Variants in UBE2H observed in about 807,000 individuals in gnomAD.
The protein encoded by UBE2H is ubiquitin-conjugating enzyme E2 H.
In UBE2H, 3 loss-of-function variants were observed where a neutral mutation model predicts 29.0. The observed-to-expected ratio is 0.10, with a 90% confidence interval of 0.05 to 0.27. The LOEUF is 0.27. UBE2H is among the 10% of genes least tolerant of loss of function. The probability of loss-of-function intolerance (pLI) is 1.00; values close to 1 mark genes in which losing one functional copy is unlikely to be tolerated. For missense variants in UBE2H, 68 were observed against 228.2 expected, an observed-to-expected ratio of 0.30 and a Z score of 4.52; for synonymous variants, 69 against 82.9, an observed-to-expected ratio of 0.83 and a Z score of 0.91.
Position 129,840,611 on chromosome 7 carries a change from T to C in UBE2H, c.299-1276A>G, listed in dbSNP as rs753253731. Among the ~76,000 whole-genome samples the C allele has an allele frequency of 4.0e-5, 6 of 151,820 alleles. No individual in the cohort carries two copies. In the South Asian group the frequency reaches 1.0e-3, roughly 26 times the overall value. On this transcript the variant is annotated intron_variant, in intron 5 of 6. Coordinates refer to ENST00000355621, the MANE Select transcript of UBE2H (RefSeq NM_003344.4). ...GGTATAACACAACCCACACACCCCA[T>C]AGCTCAGATATGCTGTAACTTCCAC... is the stretch of plus-strand genomic sequence containing the variant.
rs61226846 is a variant in UBE2H, at chr7:129,836,879, CAAAAAAAAAAAAAAA to C, written c.428-1833_428-1819del. ...TAGGCGACAGGGCAAGACTCCGTCT[CAAAAAAAAAAAAAAA>C]AAAAAAAAAAAAAAAAAGGAGTAAG... On this transcript the variant is annotated intron_variant, in intron 6 of 6. Coordinates refer to ENST00000355621, the MANE Select transcript of UBE2H (RefSeq NM_003344.4). Among the ~76,000 whole-genome samples, 42 of 73,744 alleles carry C rather than the reference CAAAAAAAAAAAAAAA, an allele frequency of 5.7e-4. 1 individual carries two copies. The South Asian group carries it at 0.01, about 18-fold the overall frequency. 48.4% of individuals were successfully genotyped at this position (73,744 alleles called of 152,430 possible). A position where few individuals can be genotyped will look rare whatever the true frequency, so the allele number is the denominator to read the frequency against.
intron 1 of UBE2H, among the ~76,000 whole-genome samples, chr7:129,934,993 GTGTGTGTATA>G (rs1807496422): frequency 1.3e-5 from 2 of 150,994 alleles, no homozygotes; most frequent in African/African-American, 4.9e-5. Context: ...GTATATATAT[GTGTGTGTATA>G]TGTGTGTGTG....
intron 5 of UBE2H, among the ~76,000 whole-genome samples, chr7:129,854,875 G>A (rs757596454): frequency 6.6e-6 from 1 of 151,534 alleles, no homozygotes; most frequent in Non-Finnish European, 1.5e-5. Flanking sequence ...AAGAACTTCC[G>A]ATACATGCAA....
At chr7:129,835,275 G>C (rs1805301289) in intron 6 of UBE2H, among the ~76,000 whole-genome samples, 1 of 152,164 alleles carries the variant, frequency 6.6e-6, no homozygotes, top group South Asian at 2.1e-4. Context: ...CTGAGGAAAG[G>C]GGTATTGGGA....
At chr7:129,944,354 TCAAAACAAAA>T (rs77887526) in intron 1 of UBE2H, among the ~76,000 whole-genome samples, 10,011 of 152,060 alleles carry the variant, frequency 0.066, 535 homozygotes, top group East Asian at 0.25. Context: ...AGACTCCGTC[TCAAAACAAAA>T]CAAAACAAAA....
chr7:129,856,374 T>C (rs1163744909), intron 5 of UBE2H, among the ~76,000 whole-genome samples: 1 of 152,184 alleles, frequency 6.6e-6, no homozygotes. Flanking sequence ...CAACCCATAC[T>C]GGTGAAGGGC....
intron 5 of UBE2H, among the ~76,000 whole-genome samples, chr7:129,841,119 G>A (rs976444214): frequency 1.4e-4 from 21 of 152,180 alleles, no homozygotes; most frequent in African/African-American, 3.1e-4. Context: ...AGATAAAAGC[G>A]GTAGGCAAAC....
intron 1 of UBE2H, among the ~76,000 whole-genome samples, chr7:129,917,389 G>A (rs374908688): frequency 1.4e-4 from 22 of 152,178 alleles, no homozygotes; most frequent in East Asian, 1.2e-3. Context: ...CCCCTACCCT[G>A]AGGACACACC....
rs1386703954 is a variant in UBE2H at position 129,831,208 on chromosome 7, T to A, written c.*3729A>T. 6.6e-6 allele frequency: 1 copy of A among 152,154 alleles called. No individual in the cohort carries two copies. The highest frequency in any genetic ancestry group is 1.5e-5 in the Non-Finnish European group (1 of 68,042). 9.4% of individuals were successfully genotyped at this position (152,154 alleles called of 1,614,324 possible). On this transcript the variant is annotated 3_prime_UTR_variant, in exon 7 of 7. Coordinates refer to ENST00000355621, the MANE Select transcript of UBE2H (RefSeq NM_003344.4). ...ACATGGATTCAGAAGTCCAAAGAAA[T>A]GCAGTTCGTTGCGCCCAATCAGAGA...
intron 1 of UBE2H, among the ~76,000 whole-genome samples, chr7:129,948,033 T>C (rs1017229062): frequency 6.6e-6 from 1 of 152,180 alleles, no homozygotes; most frequent in African/African-American, 2.4e-5. Context: ...TTTATATTTT[T>C]AGTACAAGTA....
intron 1 of UBE2H, among the ~76,000 whole-genome samples, chr7:129,896,930 G>A (rs1317448480): frequency 6.6e-6 from 1 of 152,106 alleles, no homozygotes; most frequent in African/African-American, 2.4e-5. Flanking sequence ...TCTGTAGAGT[G>A]GTGGGTGATA....
chr7:129,893,593 T>C (rs1438773370), intron 1 of UBE2H, among the ~76,000 whole-genome samples: 1 of 152,076 alleles, frequency 6.6e-6, no homozygotes, highest in Admixed American at 6.6e-5. Context: ...AGCAAGGAAA[T>C]ATAGTCAAAA....
chr7:129,948,784 G>C (rs369523037), intron 1 of UBE2H, among the ~76,000 whole-genome samples: 1 of 152,096 alleles, frequency 6.6e-6, no homozygotes, highest in Non-Finnish European at 1.5e-5. Flanking sequence ...ATTATTATCC[G>C]ATCTACTTTT....
At position 129,952,948 on chromosome 7, in the gene UBE2H, C is replaced by G. The variant is rs1334453123; in HGVS notation, c.-393G>C. 1 of 157,762 alleles carries G rather than the reference C, an allele frequency of 6.3e-6. No homozygotes were observed. The highest frequency in any genetic ancestry group is 1.4e-5 in the Non-Finnish European group (1 of 71,628). The allele number at this position is 157,762 out of a possible 1,614,324, so 9.8% of individuals were successfully genotyped here. On this transcript the variant is annotated 5_prime_UTR_variant, in exon 1 of 7. Coordinates refer to ENST00000355621, the MANE Select transcript of UBE2H (RefSeq NM_003344.4). ...CTCCTGCTCAGTCGGCCTCCCTACC[C>G]CAGCCTCGCTCTGGGCGCCGTGACG... is the stretch of plus-strand genomic sequence containing the variant.
At chr7:129,850,003 C>T (rs779847161) in intron 5 of UBE2H, among the ~76,000 whole-genome samples, 1 of 152,102 alleles carries the variant, frequency 6.6e-6, no homozygotes, top group Non-Finnish European at 1.5e-5. Flanking sequence ...AAAACAGAAA[C>T]AGGTGAAAAC....
chr7:129,909,990 A>G (rs1192587910), intron 1 of UBE2H, among the ~76,000 whole-genome samples: 2 of 152,104 alleles, frequency 1.3e-5, no homozygotes, highest in Non-Finnish European at 2.9e-5. Context: ...GGGGTGATTC[A>G]AGGAAGGCTT....
At chr7:129,927,157 T>C (rs549434892) in intron 1 of UBE2H, among the ~76,000 whole-genome samples, 1 of 152,364 alleles carries the variant, frequency 6.6e-6, no homozygotes, top group African/African-American at 2.4e-5. Context: ...GTAATGGTCC[T>C]ATTATTTTTA....
chr7:129,930,190 T>C (rs185628128), intron 1 of UBE2H, among the ~76,000 whole-genome samples: 130 of 152,218 alleles, frequency 8.5e-4, no homozygotes, highest in African/African-American at 3.0e-3. Flanking sequence ...CGATGGGGTT[T>C]CGCTCTTGTT....
chr7:129,940,941 T>C (rs980423930), intron 1 of UBE2H, among the ~76,000 whole-genome samples: 10 of 152,186 alleles, frequency 6.6e-5, no homozygotes, highest in Non-Finnish European at 1.2e-4. Flanking sequence ...CACTTCAGCA[T>C]AGAAAATAAC....
Sources: allele counts gnomAD v4.1 joint callset (sites outside exome capture counted in the v4.1 genomes callset), GRCh38; gene constraint gnomAD v4.1.1; transcripts MANE v1.5; gene names NCBI Gene and HGNC (gene_info 2026-07-23, HGNC 2026-07-21).